The following TSPAN9 variants were observed in gnomAD, a reference collection of about 807,000 sequenced individuals.
TSPAN9 encodes tetraspanin-9.
In TSPAN9, 16 loss-of-function variants were observed where a neutral mutation model predicts 31.0. That is an observed-to-expected ratio of 0.52 (90% confidence interval 0.35 to 0.78). The LOEUF is 0.78. Ranked by LOEUF, TSPAN9 falls within the 30% of genes least tolerant of loss-of-function variation. The probability of loss-of-function intolerance (pLI) is 0.01; values close to 1 mark genes in which losing one functional copy is unlikely to be tolerated. For missense variants in TSPAN9, 272 were observed against 312.5 expected, an observed-to-expected ratio of 0.87 and a Z score of 0.98; for synonymous variants, 145 against 121.6, an observed-to-expected ratio of 1.19 and a Z score of -1.27.
rs61916262 is a variant in TSPAN9, at chr12:3,105,766, G to A, written c.-18+22047G>A. On this transcript the variant is annotated intron_variant, in intron 2 of 8. Coordinates refer to ENST00000011898, the MANE Select transcript of TSPAN9 (RefSeq NM_006675.5). ...CACACACTCACACACACGCACACACGCGCACGCACACACGCTCATACACAC... is the reference window on the plus strand; with the variant it reads ...CACACACTCACACACACGCACACACACGCACGCACACACGCTCATACACAC... Among the ~76,000 whole-genome samples the A allele has an allele frequency of 8.0e-3, 283 of 35,256 alleles. 1 individual carries two copies. Among genetic ancestry groups the A allele is most frequent in the African/African-American group, 0.012 (273 of 22,324 alleles). 23.1% of individuals were successfully genotyped at this position (35,256 alleles called of 152,430 possible). A position where few individuals can be genotyped will look rare whatever the true frequency, so the allele number is the denominator to read the frequency against.
rs2098350995 is a variant in TSPAN9, at chr12:3,170,228, T to C, written c.-17-30949T>C. On this transcript the variant is annotated intron_variant, in intron 2 of 8. Coordinates refer to ENST00000011898, the MANE Select transcript of TSPAN9 (RefSeq NM_006675.5). The surrounding 1 kb of genome is among the most constrained non-coding windows in gnomAD (Gnocchi z 4.4). ...CTGAATTTCTCTCCCATCCATCTCG[T>C]TTATGGTGTTTACAGGGAATATTCT... Among the ~76,000 whole-genome samples the C allele has an allele frequency of 6.6e-6, 1 of 152,102 alleles. No individual in the cohort carries two copies. The highest frequency in any genetic ancestry group is 2.4e-5 in the African/African-American group (1 of 41,408).
chr12:3,278,734 C>A, intron 4 of TSPAN9, 122 bp downstream of exon 4: 1 of 1,348,878 alleles, frequency 7.4e-7, no homozygotes, highest in Non-Finnish European at 1.0e-6. Flanking sequence ...AGGGAAACTG[C>A]TTCTAGAACG....
At chr12:3,239,050 TC>T (rs1488816349) in intron 3 of TSPAN9, among the ~76,000 whole-genome samples, 1 of 152,150 alleles carries the variant, frequency 6.6e-6, no homozygotes, top group African/African-American at 2.4e-5. Context: ...CCCTGATTCA[TC>T]CCCTGATCAT....
chr12:3,242,270 C>T (rs1031246170), intron 3 of TSPAN9, among the ~76,000 whole-genome samples: 4 of 152,220 alleles, frequency 2.6e-5, no homozygotes, highest in African/African-American at 9.6e-5. Context: ...CAAGGAGGCC[C>T]TTGCCAGCAG....
intron 2 of TSPAN9, among the ~76,000 whole-genome samples, chr12:3,198,345 TCACCGTACCAGCACAGGC>T (rs1242114768): frequency 2.2e-4 from 17 of 76,746 alleles, no homozygotes; most frequent in East Asian, 7.0e-4. Context: ...CCAGCACAGC[TCACCGTACCAGCACAGGC>T]CACCACCAGC....
intron 3 of TSPAN9, among the ~76,000 whole-genome samples, chr12:3,216,491 A>G (rs1433867603): frequency 6.6e-6 from 1 of 152,128 alleles, no homozygotes; most frequent in African/African-American, 2.4e-5. Context: ...CCCTTTTACC[A>G]GGATTTTCGT....
rs574357137 is a variant in TSPAN9, at chr12:3,204,356, A to G, written c.63+3100A>G. 6.6e-5 allele frequency among the ~76,000 whole-genome samples: 10 copies of G among 152,264 alleles called. No individual in the cohort carries two copies. The South Asian group carries it at 2.1e-3, about 32-fold the overall frequency. ...ACTGCAACCCTTCAGAGGCGTGCAT[A>G]GGTTCCTCACCACTGGGCGGAGCTT... On this transcript the variant is annotated intron_variant, in intron 3 of 8. Transcript: ENST00000011898.
chr12:3,246,210 T>G (rs1267104214), intron 3 of TSPAN9, among the ~76,000 whole-genome samples: 1 of 151,530 alleles, frequency 6.6e-6, no homozygotes, highest in Non-Finnish European at 1.5e-5. Flanking sequence ...GCCACACACT[T>G]TCAAACGACC....
intron 3 of TSPAN9, among the ~76,000 whole-genome samples, chr12:3,261,736 A>G (rs1312677745): frequency 1.3e-5 from 2 of 152,182 alleles, no homozygotes; most frequent in East Asian, 3.9e-4. Context: ...CACCCTCATG[A>G]CGAACTGGGA....
chr12:3,230,648 C>T (rs1016081080), intron 3 of TSPAN9, among the ~76,000 whole-genome samples: 1 of 152,028 alleles, frequency 6.6e-6, no homozygotes. Context: ...GGAGACCCTG[C>T]CTCATACCCA....
At chr12:3,101,551 C>T (rs959408083) in intron 2 of TSPAN9, among the ~76,000 whole-genome samples, 18 of 152,170 alleles carry the variant, frequency 1.2e-4, no homozygotes, top group African/African-American at 3.9e-4. Flanking sequence ...CCAGAAAACA[C>T]ACCTGGAATG....
At chr12:3,106,094 G>GCA (rs554976058) in intron 2 of TSPAN9, among the ~76,000 whole-genome samples, 2 of 152,000 alleles carry the variant, frequency 1.3e-5, no homozygotes, top group East Asian at 1.9e-4. Flanking sequence ...GTGCGCGCAC[G>GCA]CACACACACA....
chr12:3,105,785 TAC>T (rs1302987520), intron 2 of TSPAN9, among the ~76,000 whole-genome samples: 1 of 69,514 alleles, frequency 1.4e-5, no homozygotes, highest in Admixed American at 1.7e-4. Flanking sequence ...CACACGCTCA[TAC>T]ACACTCACGC....
intron 3 of TSPAN9, among the ~76,000 whole-genome samples, chr12:3,244,277 G>A (rs2098398143): frequency 6.6e-6 from 1 of 152,156 alleles, no homozygotes; most frequent in Non-Finnish European, 1.5e-5. Context: ...GCGGGTCTTG[G>A]CTGGCCTTAT....
At chr12:3,119,855 G>A (rs1200646446) in intron 2 of TSPAN9, among the ~76,000 whole-genome samples, 3 of 152,162 alleles carry the variant, frequency 2.0e-5, no homozygotes, top group Non-Finnish European at 2.9e-5. Context: ...GGGCAGGAGG[G>A]GAAGTACGGT....
intron 2 of TSPAN9, among the ~76,000 whole-genome samples, chr12:3,105,431 T>TAAAA (rs35039490): frequency 0.035 from 4,687 of 134,362 alleles, 309 homozygotes; most frequent in African/African-American, 0.12. Flanking sequence ...TTCCTTGTCT[T>TAAAA]AAAAAAAAAA....
chr12:3,261,324 G>A (rs1406461749), intron 3 of TSPAN9, among the ~76,000 whole-genome samples: 2 of 152,160 alleles, frequency 1.3e-5, no homozygotes, highest in Non-Finnish European at 2.9e-5. Flanking sequence ...GGTAAGTACC[G>A]TATGCATTTT....
chr12:3,261,730 C>T (rs950177146), intron 3 of TSPAN9, among the ~76,000 whole-genome samples: 1 of 152,206 alleles, frequency 6.6e-6, no homozygotes, highest in East Asian at 1.9e-4. Flanking sequence ...GGTTTTCACC[C>T]TCATGACGAA....
At chr12:3,271,155 A>G (rs1862669965) in intron 3 of TSPAN9, among the ~76,000 whole-genome samples, 2 of 152,334 alleles carry the variant, frequency 1.3e-5, no homozygotes, top group South Asian at 4.1e-4. Context: ...CACCTTTGTA[A>G]GTTGGTGAGA....
Sources: allele counts gnomAD v4.1 joint callset (sites outside exome capture counted in the v4.1 genomes callset), GRCh38; gene constraint gnomAD v4.1.1; non-coding constraint Gnocchi (gnomAD v3.1); transcripts MANE v1.5; gene names NCBI Gene and HGNC (gene_info 2026-07-23, HGNC 2026-07-21).